CALN1: variants seen among roughly 807,000 people sequenced by gnomAD.
CALN1 encodes calcium-binding protein 8.
CALN1 carries 17 observed loss-of-function variants against 30.6 expected under a neutral mutation model. The ratio of observed to expected loss-of-function variants is 0.56; its 90% CI spans 0.38 to 0.83. The LOEUF is 0.83. Ranked by LOEUF, CALN1 falls within the 40% of genes least tolerant of loss-of-function variation. The probability of loss-of-function intolerance (pLI) is 0.00; values close to 1 mark genes in which losing one functional copy is unlikely to be tolerated. For missense variants in CALN1, 291 were observed against 354.9 expected (o/e 0.82, Z 1.45); for synonymous variants, 156 against 131.4 (o/e 1.19, Z -1.28).
intron 4 of CALN1, among the ~76,000 whole-genome samples, chr7:72,064,772 C>T (rs1055440595): frequency 1.3e-5 from 2 of 151,914 alleles, no homozygotes; most frequent in Admixed American, 6.6e-5. Context: ...AAATCCATCC[C>T]CCCTCAAAAA....
chr7:72,100,166 T>G (rs866474906), intron 4 of CALN1, among the ~76,000 whole-genome samples: 7 of 10,876 alleles, frequency 6.4e-4, no homozygotes, highest in East Asian at 0.5. Context: ...GTTTTTTTGT[T>G]TTTTTTTTAG....
At chr7:72,293,859 G>A (rs1798660656) in intron 2 of CALN1, among the ~76,000 whole-genome samples, 1 of 152,106 alleles carries the variant, frequency 6.6e-6, no homozygotes, top group African/African-American at 2.4e-5. Context: ...CACTTTGGGA[G>A]GCCAAGGCAG....
intron 1 of CALN1, among the ~76,000 whole-genome samples, chr7:72,411,552 A>C (rs1313907725): frequency 6.6e-6 from 1 of 152,260 alleles, no homozygotes; most frequent in African/African-American, 2.4e-5. Flanking sequence ...AAAAGACGTC[A>C]AGGTAATAAA....
chr7:71,839,988 C>G (rs951651299), intron 5 of CALN1, among the ~76,000 whole-genome samples: 2 of 152,154 alleles, frequency 1.3e-5, no homozygotes, highest in African/African-American at 2.4e-5. Flanking sequence ...GAATGGAAGT[C>G]AGCACTAAGG....
intron 2 of CALN1, among the ~76,000 whole-genome samples, chr7:72,369,161 C>T (rs183264939): frequency 9.2e-5 from 14 of 151,808 alleles, no homozygotes; most frequent in African/African-American, 2.9e-4. Flanking sequence ...TACTGACACA[C>T]AATAAGGTTC....
intron 3 of CALN1, among the ~76,000 whole-genome samples, chr7:72,270,283 C>T (rs1041538174): frequency 1.3e-5 from 2 of 152,128 alleles, no homozygotes; most frequent in African/African-American, 2.4e-5. Context: ...GATGGCACCA[C>T]TGCACTCACC....
intron 4 of CALN1, among the ~76,000 whole-genome samples, chr7:72,042,865 C>T (rs1362190697): frequency 6.6e-6 from 1 of 152,218 alleles, no homozygotes; most frequent in East Asian, 1.9e-4. Flanking sequence ...CCCTCCAAAA[C>T]TCCAATTCTC....
chr7:72,008,842 G>T (rs1584734280), intron 5 of CALN1, among the ~76,000 whole-genome samples: 1 of 152,058 alleles, frequency 6.6e-6, no homozygotes, highest in African/African-American at 2.4e-5. Context: ...TTTTAGTGGA[G>T]ACGGGGTTTC....
intron 5 of CALN1, among the ~76,000 whole-genome samples, chr7:71,925,241 GGAGA>G (rs140977661): frequency 6.6e-6 from 1 of 150,752 alleles, no homozygotes; most frequent in Non-Finnish European, 1.5e-5. Flanking sequence ...ACTCTGAGGG[GGAGA>G]GAGAGAGAGA....
intron 3 of CALN1, among the ~76,000 whole-genome samples, chr7:72,257,058 C>T (rs999899021): frequency 1.3e-5 from 2 of 152,162 alleles, no homozygotes; most frequent in Admixed American, 6.6e-5. Flanking sequence ...TTCCATATGG[C>T]TGGGGAGGCC....
chr7:72,234,081 A>G (rs1794303401), intron 3 of CALN1, among the ~76,000 whole-genome samples: 2 of 152,232 alleles, frequency 1.3e-5, no homozygotes, highest in South Asian at 2.1e-4. Context: ...ACATAACAAT[A>G]GAAAGACACA....
chr7:72,047,927 T>C (rs1344437276), intron 4 of CALN1, among the ~76,000 whole-genome samples: 1 of 152,108 alleles, frequency 6.6e-6, no homozygotes, highest in Non-Finnish European at 1.5e-5. Context: ...GGATATTGTC[T>C]GGGACAGTGG....
chr7:71,915,152 C>T (rs1003688842), intron 5 of CALN1, among the ~76,000 whole-genome samples: 2 of 152,136 alleles, frequency 1.3e-5, no homozygotes, highest in Non-Finnish European at 2.9e-5. Flanking sequence ...CCTTTTGCAA[C>T]CTGAATTCTC....
At chr7:72,489,001 C>T in the CALN1 span, among the ~76,000 whole-genome samples, 1 of 152,156 alleles carries the variant, frequency 6.6e-6, no homozygotes, top group Non-Finnish European at 1.5e-5. Context: ...GACCATGAGA[C>T]AGTCAAGATA....
At chr7:72,429,149 AT>A (rs1807893372) in intron 1 of CALN1, among the ~76,000 whole-genome samples, 1 of 152,240 alleles carries the variant, frequency 6.6e-6, no homozygotes, top group African/African-American at 2.4e-5. Context: ...TAGACATACC[AT>A]AAACAGGAAA....
chr7:72,444,521 C>T (rs1486855010), intron 1 of CALN1, among the ~76,000 whole-genome samples: 1 of 152,118 alleles, frequency 6.6e-6, no homozygotes, highest in African/African-American at 2.4e-5. Flanking sequence ...ATTCAATAAA[C>T]TTTTATGTTG....
intron 3 of CALN1, among the ~76,000 whole-genome samples, chr7:72,148,750 C>T (rs915224242): frequency 3.9e-5 from 6 of 151,964 alleles, no homozygotes; most frequent in Admixed American, 6.6e-5. Context: ...ATTAAAAATA[C>T]AAAAATTAGC....
chr7:71,890,952 G>A (rs1793208273), intron 5 of CALN1, among the ~76,000 whole-genome samples: 1 of 151,874 alleles, frequency 6.6e-6, no homozygotes, highest in African/African-American at 2.4e-5. Flanking sequence ...TTGCTATTTT[G>A]TTCAGCCTAG....
chr7:72,011,963 C>T (rs892615322), intron 5 of CALN1, among the ~76,000 whole-genome samples: 5 of 152,146 alleles, frequency 3.3e-5, no homozygotes, highest in Admixed American at 3.3e-4. Flanking sequence ...GAAAATTCTG[C>T]ACCTTCCTGG....
Sources: gnomAD v4.1 joint callset for allele counts (sites outside exome capture counted in the v4.1 genomes callset) on GRCh38, gnomAD v4.1.1 for gene constraint, MANE v1.5 for transcripts, NCBI Gene and HGNC (gene_info 2026-07-23, HGNC 2026-07-21) for gene names.